Variants in PPARGC1A observed in about 807,000 individuals in gnomAD.
PPARGC1A encodes PPARG coactivator 1 alpha.
In PPARGC1A, 25 loss-of-function variants were observed where a neutral mutation model predicts 88.7. The observed-to-expected ratio is 0.28, with a 90% CI of 0.21 to 0.39. The LOEUF (loss-of-function observed/expected upper bound fraction) is 0.39, where lower values mean the gene tolerates loss of function less well. Ranked by LOEUF, PPARGC1A falls within the 10% of genes least tolerant of loss-of-function variation. The probability of loss-of-function intolerance (pLI) is 1.00; values close to 1 mark genes in which losing one functional copy is unlikely to be tolerated. For synonymous variants in PPARGC1A, 363 were observed against 355.6 expected (o/e 1.02, Z -0.24); for missense variants, 880 against 968.7 (o/e 0.91, Z 1.22).
At chr4:24,064,642 A>G in the PPARGC1A span, among the ~76,000 whole-genome samples, 1 of 151,814 alleles carries the variant, frequency 6.6e-6, no homozygotes, top group Non-Finnish European at 1.5e-5. Flanking sequence ...TCCCCCAGAA[A>G]CCCCCAGCAG....
At chr4:23,927,377 T>C in the PPARGC1A span, among the ~76,000 whole-genome samples, 4 of 152,330 alleles carry the variant, frequency 2.6e-5, no homozygotes, top group Non-Finnish European at 4.4e-5. Context: ...TATGTTATTA[T>C]GCCAGTAAAA....
At chr4:23,815,657 A>C (rs1413906155) in intron 7 of PPARGC1A, among the ~76,000 whole-genome samples, 1 of 152,102 alleles carries the variant, frequency 6.6e-6, no homozygotes, top group Non-Finnish European at 1.5e-5. Context: ...AGCCCTACTC[A>C]TCCGTTTGTG....
the PPARGC1A span, among the ~76,000 whole-genome samples, chr4:24,410,385 G>A: frequency 2.6e-5 from 4 of 152,012 alleles, no homozygotes; most frequent in Admixed American, 6.5e-5. Flanking sequence ...AAAAAGTTTT[G>A]CGTGTGTTCA....
the PPARGC1A span, among the ~76,000 whole-genome samples, chr4:24,021,625 G>C: frequency 3.9e-5 from 6 of 152,248 alleles, no homozygotes; most frequent in Admixed American, 3.9e-4. Flanking sequence ...TAGAAGAAAG[G>C]GCTGCTCTAT....
At chr4:24,165,071 T>C in the PPARGC1A span, among the ~76,000 whole-genome samples, 2 of 152,018 alleles carry the variant, frequency 1.3e-5, no homozygotes, top group Non-Finnish European at 2.9e-5. Flanking sequence ...CCTTTATAAC[T>C]CTCTCAAAAT....
At chr4:24,008,973 A>G in the PPARGC1A span, among the ~76,000 whole-genome samples, 1 of 152,034 alleles carries the variant, frequency 6.6e-6, no homozygotes, top group African/African-American at 2.4e-5. Context: ...TCATTTTTAC[A>G]GCAGCTCTCT....
the PPARGC1A span, among the ~76,000 whole-genome samples, chr4:23,933,599 G>A: frequency 6.6e-6 from 1 of 152,306 alleles, no homozygotes; most frequent in South Asian, 2.1e-4. Context: ...ATAGCCTACT[G>A]GCCCAGCAAA....
At chr4:24,180,907 C>T in the PPARGC1A span, among the ~76,000 whole-genome samples, 4 of 152,320 alleles carry the variant, frequency 2.6e-5, no homozygotes, top group African/African-American at 7.2e-5. Context: ...TAAGTAGGAA[C>T]ATTTAAAGCC....
At chr4:24,247,147 T>G in the PPARGC1A span, among the ~76,000 whole-genome samples, 1 of 152,098 alleles carries the variant, frequency 6.6e-6, no homozygotes, top group Non-Finnish European at 1.5e-5. Context: ...TATCAAAAAT[T>G]TCAAGCTAAA....
At chr4:24,375,265 TA>T in the PPARGC1A span, among the ~76,000 whole-genome samples, 61,277 of 151,688 alleles carry the variant, frequency 0.4, 13,006 homozygotes, top group East Asian at 0.58. Flanking sequence ...ACATTTCAGT[TA>T]AATGATACAT....
the PPARGC1A span, among the ~76,000 whole-genome samples, chr4:24,022,812 C>T: frequency 6.6e-6 from 1 of 152,170 alleles, no homozygotes; most frequent in Non-Finnish European, 1.5e-5. Context: ...GAACCCGAAG[C>T]AAGAAATAAA....
At chr4:24,107,723 G>T in the PPARGC1A span, among the ~76,000 whole-genome samples, 1 of 152,270 alleles carries the variant, frequency 6.6e-6, no homozygotes, top group African/African-American at 2.4e-5. Flanking sequence ...GTGTACAGTT[G>T]GTTCTGCAGG....
chr4:24,305,600 G>A, the PPARGC1A span, among the ~76,000 whole-genome samples: 230 of 152,330 alleles, frequency 1.5e-3, 3 homozygotes, highest in African/African-American at 5.3e-3. Flanking sequence ...ATCACCTGAA[G>A]TTGGGAGTTC....
intron 8 of PPARGC1A, 123 bp from the exon 9 acceptor site, chr4:23,813,248 T>C: frequency 1.3e-6 from 1 of 798,986 alleles, no homozygotes; most frequent in Non-Finnish European, 2.1e-6. Flanking sequence ...TCCCAGCTAC[T>C]AGGGAGATTT....
At chr4:23,910,268 A>ATATT in the PPARGC1A span, among the ~76,000 whole-genome samples, 5 of 78,988 alleles carry the variant, frequency 6.3e-5, no homozygotes, top group African/African-American at 2.0e-4. Flanking sequence ...ATATATTAAT[A>ATATT]TATATTAACC....
the PPARGC1A span, among the ~76,000 whole-genome samples, chr4:24,200,335 AC>A: frequency 6.6e-6 from 1 of 151,958 alleles, no homozygotes; most frequent in Non-Finnish European, 1.5e-5. Context: ...ACATGGTGAA[AC>A]CCTGTCTCTA....
chr4:23,902,954 A>G (rs967573277), upstream of PPARGC1A, among the ~76,000 whole-genome samples: 1 of 152,236 alleles, frequency 6.6e-6, no homozygotes, highest in Non-Finnish European at 1.5e-5. Flanking sequence ...GATTTCACAT[A>G]GGTGCCTTCA....
At chr4:24,105,975 C>T in the PPARGC1A span, among the ~76,000 whole-genome samples, 1 of 152,198 alleles carries the variant, frequency 6.6e-6, no homozygotes, top group East Asian at 1.9e-4. Context: ...CAGCCATTAA[C>T]TATGAAGCAC....
chr4:24,270,370 C>A, the PPARGC1A span, among the ~76,000 whole-genome samples: 1 of 98,452 alleles, frequency 1.0e-5, no homozygotes, highest in Non-Finnish European at 2.0e-5. Context: ...TGTGTAAAAT[C>A]GGCTCTTGGG....
Sources: allele counts gnomAD v4.1 joint callset (sites outside exome capture counted in the v4.1 genomes callset), GRCh38; gene constraint gnomAD v4.1.1; transcripts MANE v1.5; gene names NCBI Gene and HGNC (gene_info 2026-07-23, HGNC 2026-07-21).